WASF3: variants seen among roughly 807,000 people sequenced by gnomAD.
WASF3 encodes WASP family member 3, also known as actin-binding protein WASF3.
Under a neutral mutation model 46.6 loss-of-function variants are expected in WASF3, and 11 were observed. The observed-to-expected ratio is 0.24, with a 90% CI of 0.15 to 0.39. The LOEUF is 0.39. Ranked by LOEUF, WASF3 falls within the 10% of genes least tolerant of loss-of-function variation. The pLI is 1.00. For missense variants in WASF3, 576 were observed against 669.8 expected (o/e 0.86, Z 1.55); for synonymous variants, 242 against 259.7 (o/e 0.93, Z 0.65).
At chr13:26,599,229 G>C (rs1410248965) in intron 1 of WASF3, among the ~76,000 whole-genome samples, 1 of 129,474 alleles carries the variant, frequency 7.7e-6, no homozygotes, top group Non-Finnish European at 1.6e-5. Flanking sequence ...TGTCACCCAG[G>C]CTGGAGTGCA....
intron 1 of WASF3, among the ~76,000 whole-genome samples, chr13:26,587,039 G>A (rs542475505): frequency 7.0e-6 from 1 of 143,390 alleles, no homozygotes; most frequent in African/African-American, 2.6e-5. Context: ...GGAGGTGGAG[G>A]TTGCAGTGAG....
intron 2 of WASF3, among the ~76,000 whole-genome samples, chr13:26,635,891 A>G (rs936077890): frequency 6.6e-6 from 1 of 152,172 alleles, no homozygotes; most frequent in Non-Finnish European, 1.5e-5. Context: ...GCTTTATCCC[A>G]GAGGGGCATC....
At chr13:26,639,721 G>A (rs76592858) in intron 2 of WASF3, 3,569 of 152,382 alleles carry the variant, frequency 0.023, 76 homozygotes, top group South Asian at 0.066. Flanking sequence ...CAACAGATTA[G>A]GAGACAATTG....
chr13:26,686,249 A>G lies in WASF3; in HGVS notation c.*404A>G, dbSNP rs538805813. The stretch of plus-strand genomic sequence containing the variant: ...GACTATGTCAGAGTGATGTCTTCCA[A>G]CCAGTAAGTGATATTGTTTCACCGC... On this transcript the variant is annotated 3_prime_UTR_variant, in exon 10 of 10. Coordinates refer to ENST00000335327, the MANE Select transcript of WASF3 (RefSeq NM_006646.6). 1.1e-4 allele frequency: 18 copies of G among 159,726 alleles called. No homozygotes were observed. The South Asian group carries it at 3.6e-3, about 32-fold the overall frequency. The allele number at this position is 159,726 out of a possible 1,614,324, so 9.9% of individuals were successfully genotyped here.
intron 1 of WASF3, among the ~76,000 whole-genome samples, chr13:26,595,804 G>A (rs990173094): frequency 1.3e-5 from 2 of 152,062 alleles, no homozygotes; most frequent in African/African-American, 4.8e-5. Flanking sequence ...AGGTCTGTCC[G>A]GGTTGTTTTA....
rs764438227 is a variant in WASF3, at chr13:26,671,924, G to A, written c.475G>A (p.Asp159Asn). The A allele has an allele frequency of 3.7e-6, 6 of 1,611,066 alleles. No individual in the cohort carries two copies. Among genetic ancestry groups the A allele is most frequent in the Non-Finnish European group, 5.1e-6 (6 of 1,179,282 alleles). ...CTATACTGATCCTTCCTATTTCTTT[G>A]ACCTCTGGAAAGAAAAAATGCTACA... The part of the protein sequence containing the change: ...KFYTDPSYFF[D>N]LWKEKMLQDT... The change falls in exon 6 of 10, where the codon GAC becomes AAC. Residue 159 changes from aspartate to asparagine, a missense_variant. By Grantham distance (23) the Asp-to-Asn change is conservative. This residue lies in a region of WASF3 where 213 missense variants were observed against 278.0 expected (regional missense o/e 0.77). Transcript: ENST00000335327.
intron 1 of WASF3, among the ~76,000 whole-genome samples, chr13:26,585,779 C>T (rs980723764): frequency 6.6e-6 from 1 of 151,980 alleles, no homozygotes; most frequent in Admixed American, 6.5e-5. Context: ...TATTGCTTTG[C>T]TCTATCTTCT....
In WASF3 at chr13:26,582,757, A is replaced by G. The variant is rs570476905; in HGVS notation, c.-109+24938A>G. On this transcript the variant is annotated intron_variant, in intron 1 of 9. Coordinates refer to ENST00000335327, the MANE Select transcript of WASF3 (RefSeq NM_006646.6). Reference sequence around the variant, plus strand: ...ACTTAAGTAAGAGAATGTAAATAATAAAGTGCTTAGTACTGTACCGAGAAT... The same window carrying G: ...ACTTAAGTAAGAGAATGTAAATAATGAAGTGCTTAGTACTGTACCGAGAAT... Among the ~76,000 whole-genome samples, 13 of 151,360 alleles carry G rather than the reference A, an allele frequency of 8.6e-5. No individual in the cohort carries two copies. The South Asian group carries it at 2.3e-3, about 27-fold the overall frequency.
intron 2 of WASF3, among the ~76,000 whole-genome samples, chr13:26,635,934 G>A (rs1881804100): frequency 6.6e-6 from 1 of 152,212 alleles, no homozygotes; most frequent in Non-Finnish European, 1.5e-5. Flanking sequence ...GCCCCTTCTG[G>A]GAGGTGTCTC....
At chr13:26,577,418 A>C (rs1879834306) in intron 1 of WASF3, 3 of 789,458 alleles carry the variant, frequency 3.8e-6, no homozygotes, top group Non-Finnish European at 6.8e-6. Context: ...GGTGCAGAAA[A>C]ATGACTTGAA....
intron 3 of WASF3, among the ~76,000 whole-genome samples, chr13:26,655,180 T>C (rs1003796968): frequency 6.6e-6 from 1 of 152,226 alleles, no homozygotes; most frequent in Non-Finnish European, 1.5e-5. Context: ...TCCTTTAATC[T>C]GAAATAGTTC....
At chr13:26,552,734 C>T (rs1046146390), upstream of WASF3, among the ~76,000 whole-genome samples, 1 of 152,166 alleles carries the variant, frequency 6.6e-6, no homozygotes, top group Non-Finnish European at 1.5e-5. Flanking sequence ...ACTCTTTGTT[C>T]TTTCTCTTCC....
chr13:26,631,753 T>C (rs1312568730), intron 2 of WASF3, among the ~76,000 whole-genome samples: 1 of 152,204 alleles, frequency 6.6e-6, no homozygotes, highest in East Asian at 1.9e-4. Context: ...ATCTATAAAT[T>C]ACCTTGGGCA....
chr13:26,646,897 G>T (rs115431339), intron 3 of WASF3, among the ~76,000 whole-genome samples: 11 of 152,336 alleles, frequency 7.2e-5, no homozygotes, highest in African/African-American at 2.6e-4. Context: ...TATGGAGACA[G>T]TTCAGGGTCA....
At chr13:26,624,752 A>G (rs942826085) in intron 2 of WASF3, among the ~76,000 whole-genome samples, 1 of 152,214 alleles carries the variant, frequency 6.6e-6, no homozygotes, top group Non-Finnish European at 1.5e-5. Flanking sequence ...AAAATGAAAC[A>G]TTACAAACAG....
intron 1 of WASF3, among the ~76,000 whole-genome samples, chr13:26,560,436 A>G (rs775028727): frequency 2.6e-5 from 4 of 151,986 alleles, no homozygotes; most frequent in Non-Finnish European, 4.4e-5. Flanking sequence ...AGAGGTAACC[A>G]TAATATAGGG....
chr13:26,616,139 A>C (rs531192107), intron 2 of WASF3, among the ~76,000 whole-genome samples: 7 of 152,376 alleles, frequency 4.6e-5, no homozygotes, highest in African/African-American at 1.7e-4. Context: ...ATCTAGGAGT[A>C]GAATGGCTGG....
intron 1 of WASF3, chr13:26,577,050 C>A: frequency 1.4e-6 from 1 of 733,406 alleles, no homozygotes. Flanking sequence ...CCCAAGGAAA[C>A]AAAATTGCAT....
the WASF3 span, among the ~76,000 whole-genome samples, chr13:26,543,401 T>TAAATTATA: frequency 6.6e-6 from 1 of 152,192 alleles, no homozygotes; most frequent in Admixed American, 6.5e-5. Flanking sequence ...TCAGAAAGCT[T>TAAATTATA]TTAGCTTTCA....
Sources: gnomAD v4.1 joint callset for allele counts (sites outside exome capture counted in the v4.1 genomes callset) on GRCh38, gnomAD v4.1.1 for gene constraint, gnomAD v4.1.1 regional missense constraint, MANE v1.5 for transcripts, NCBI Gene and HGNC (gene_info 2026-07-23, HGNC 2026-07-21) for gene names.